Variants in PHF23 observed in about 807,000 individuals in gnomAD.
PHF23 encodes PHD finger protein 23.
Under a neutral mutation model 36.0 loss-of-function variants are expected in PHF23, and 3 were observed. The ratio of observed to expected loss-of-function variants is 0.08; its 90% confidence interval spans 0.04 to 0.22. The LOEUF (loss-of-function observed/expected upper bound fraction) is 0.22, where lower values mean the gene tolerates loss of function less well. PHF23 is among the 10% of genes least tolerant of loss of function. PHF23 has a pLI of 1.00. For missense variants in PHF23, 475 were observed against 513.6 expected, an observed-to-expected ratio of 0.92 and a Z score of 0.73; for synonymous variants, 242 against 192.5, an observed-to-expected ratio of 1.26 and a Z score of -2.13.
chr17:7,239,500 CCCT>C, upstream of PHF23: 2 of 469,142 alleles, frequency 4.3e-6, no homozygotes, highest in Non-Finnish European at 7.7e-6. Flanking sequence ...GCCGCCTGCT[CCCT>C]CCTCCTCCTC....
chr17:7,239,314 T>G lies in PHF23; in HGVS notation c.-35A>C. The G allele has an allele frequency of 9.3e-7, 1 of 1,073,476 alleles. No individual in the cohort carries two copies. The highest frequency in any genetic ancestry group is 1.3e-6 in the Non-Finnish European group (1 of 747,002). 66.5% of individuals were successfully genotyped at this position (1,073,476 alleles called of 1,614,324 possible). On this transcript the variant is annotated 5_prime_UTR_variant, in exon 1 of 5. Transcript: ENST00000320316. ...CCCTCCTCCCGGTCCGGCGCCCCCC[T>G]CCCCGGAGCCGGGGATCCCGGTGCC...
rs915475243 is a variant in PHF23, at chr17:7,236,627, C to T, written c.300G>A (p.Arg100=). 1 of 1,614,138 alleles carries T rather than the reference C, an allele frequency of 6.2e-7. No individual in the cohort carries two copies. The highest frequency in any genetic ancestry group is 1.3e-5 in the African/African-American group (1 of 75,018). Reference sequence around the variant, plus strand: ...GCTGGGTGGGACCTGCTTGAGCTGCCCTTCTCTTGGATGACTTTGCTTTCT... The same window carrying T: ...GCTGGGTGGGACCTGCTTGAGCTGCTCTTCTCTTGGATGACTTTGCTTTCT... ...FVKKAKSSKR[R]AAQAGPTQPG... The change falls in exon 4 of 5, where the codon AGG becomes AGA. Residue 100 remains arginine, a synonymous_variant. Transcript: ENST00000320316. The surrounding 1 kb of genome is among the most constrained non-coding windows in gnomAD (Gnocchi z 5.1).
chr17:7,238,296 C>CG (rs2071720478), intron 1 of PHF23: 1 of 112,158 alleles, frequency 8.9e-6, no homozygotes, highest in Non-Finnish European at 1.9e-5. Context: ...CCCCCCCCCC[C>CG]CCGCCCATAC....
In PHF23 at chr17:7,239,232, G is replaced by T; in HGVS notation, c.34+14C>A. On this transcript the variant is annotated intron_variant, in intron 1 of 4. Transcript: ENST00000320316. ...CCCCGCCGGCTCAGCGCTCTGCACC[G>T]GTCGAGAGCTCACCTTCGGGACTGG... The T allele has an allele frequency of 1.3e-6, 2 of 1,522,120 alleles. No homozygotes were observed. Among genetic ancestry groups the T allele is most frequent in the Non-Finnish European group, 1.8e-6 (2 of 1,114,258 alleles). The allele number at this position is 1,522,120 out of a possible 1,614,324, so 94.3% of individuals were successfully genotyped here. A position where few individuals can be genotyped will look rare whatever the true frequency, so the allele number is the denominator to read the frequency against.
rs982706623 is a variant in PHF23, at chr17:7,239,232, G to A, written c.34+14C>T. 3 of 1,522,122 alleles carry A rather than the reference G, an allele frequency of 2.0e-6. No homozygotes were observed. The highest frequency in any genetic ancestry group is 2.7e-6 in the Non-Finnish European group (3 of 1,114,260). 94.3% of individuals were successfully genotyped at this position (1,522,122 alleles called of 1,614,324 possible). Reference sequence around the variant, plus strand: ...CCCCGCCGGCTCAGCGCTCTGCACCGGTCGAGAGCTCACCTTCGGGACTGG... The same window carrying A: ...CCCCGCCGGCTCAGCGCTCTGCACCAGTCGAGAGCTCACCTTCGGGACTGG... On this transcript the variant is annotated intron_variant, in intron 1 of 4. Transcript: ENST00000320316.
upstream of PHF23, chr17:7,239,560 C>T (rs1442426405): frequency 5.7e-6 from 2 of 353,150 alleles, no homozygotes; most frequent in South Asian, 3.4e-5. Context: ...CCCTCCTCCC[C>T]CCGCCGGCGC....
chr17:7,239,512 T>C, upstream of PHF23: 2 of 368,234 alleles, frequency 5.4e-6, no homozygotes, highest in South Asian at 3.0e-5. Context: ...CTCCTCCTCC[T>C]CCTCCACCTC....
upstream of PHF23, chr17:7,239,530 C>T (rs2071750995): frequency 7.2e-6 from 3 of 418,680 alleles, no homozygotes; most frequent in East Asian, 8.9e-5. Flanking sequence ...CTCCTCTCTC[C>T]TCCCTCCCTC....
upstream of PHF23, chr17:7,239,544 T>G: frequency 3.3e-4 from 92 of 276,148 alleles, no homozygotes; most frequent in East Asian, 8.3e-4. Flanking sequence ...CTCCCTCCTC[T>G]TCTCTCCCTC....
In PHF23 at chr17:7,239,233, GT is replaced by G; in HGVS notation, c.34+12del. On this transcript the variant is annotated intron_variant, in intron 1 of 4. Transcript: ENST00000320316. Reference sequence around the variant, plus strand: ...CCCGCCGGCTCAGCGCTCTGCACCGGTCGAGAGCTCACCTTCGGGACTGGGC... The same window carrying G: ...CCCGCCGGCTCAGCGCTCTGCACCGGCGAGAGCTCACCTTCGGGACTGGGC... 6.5e-7 allele frequency: 1 copy of G among 1,527,252 alleles called. No homozygotes were observed. The highest frequency in any genetic ancestry group is 9.0e-7 in the Non-Finnish European group (1 of 1,116,972). 94.6% of individuals were successfully genotyped at this position (1,527,252 alleles called of 1,614,324 possible). A position where few individuals can be genotyped will look rare whatever the true frequency, so the allele number is the denominator to read the frequency against.
In PHF23 at chr17:7,235,358, T is replaced by G. The variant is rs534460634; in HGVS notation, c.*268A>C. 110 of 493,986 alleles carry G rather than the reference T, an allele frequency of 2.2e-4. No homozygotes were observed. The highest frequency in any genetic ancestry group is 3.3e-4 in the Non-Finnish European group (88 of 270,744). 30.6% of individuals were successfully genotyped at this position (493,986 alleles called of 1,614,324 possible). A position where few individuals can be genotyped will look rare whatever the true frequency, so the allele number is the denominator to read the frequency against. ...ATTCCAATCCTGACCCAGAAAGTGA[T>G]GGTGGCAGGTCCAAGAGACAGAGAT... On this transcript the variant is annotated 3_prime_UTR_variant, in exon 5 of 5. Transcript: ENST00000320316.
intron 2 of PHF23, 52 bp from the exon 3 acceptor site, chr17:7,237,529 G>A (rs777565395): frequency 6.2e-7 from 1 of 1,604,254 alleles, no homozygotes; most frequent in Admixed American, 1.7e-5. Context: ...TTTAAGAATG[G>A]CATTCCCAGA....
At chr17:7,238,111 C>T in intron 1 of PHF23, 1 of 188,726 alleles carries the variant, frequency 5.3e-6, no homozygotes, top group South Asian at 9.5e-5. Context: ...CGCCAGCCCC[C>T]AGGGTCCAGG....
Position 7,236,479 on chromosome 17 carries a change from A to G in PHF23, c.448T>C (p.Ser150Pro), listed in dbSNP as rs965472795. The G allele has an allele frequency of 3.1e-6, 5 of 1,613,662 alleles. No individual in the cohort carries two copies. In the African/African-American group the frequency reaches 6.7e-5, roughly 22 times the overall value. The stretch of plus-strand genomic sequence containing the variant: ...GAGGTATGTGTCAGGGATGTGGGGG[A>G]CAAAGGAGATGCCACTTTGGGCCCA... Reference protein sequence around the residue: ...LDGPKVASPLSPTSLTHTSRP... With the variant: ...LDGPKVASPLPPTSLTHTSRP... The change falls in exon 4 of 5, where the codon TCC (serine) becomes CCC (proline). Residue 150 changes from serine to proline, a missense_variant. By Grantham distance (74) the Ser-to-Pro change is moderately conservative. Coordinates refer to ENST00000320316, the MANE Select transcript of PHF23 (RefSeq NM_024297.3). The surrounding 1 kb of genome is among the most constrained non-coding windows in gnomAD (Gnocchi z 5.1).
chr17:7,240,587 G>A (rs1246226641), upstream of PHF23: 4 of 400,196 alleles, frequency 1.0e-5, no homozygotes, highest in Admixed American at 4.2e-5. Flanking sequence ...ATCACTGGAT[G>A]TGACACAGAC....
In PHF23 at chr17:7,236,595, G is replaced by T; in HGVS notation, c.332C>A (p.Pro111His). The change falls in exon 4 of 5, where the codon CCC (proline) becomes CAC (histidine). Residue 111 changes from proline to histidine, a missense_variant. By Grantham distance (77) the Pro-to-His change is moderately conservative. Transcript: ENST00000320316. The surrounding 1 kb of genome is among the most constrained non-coding windows in gnomAD (Gnocchi z 5.1). ...CAGACGAGAGAAAGTGGACCTTGGGGGTCCTGGCTGGGTGGGACCTGCTTG... is the reference window on the plus strand; with the variant it reads ...CAGACGAGAGAAAGTGGACCTTGGGTGTCCTGGCTGGGTGGGACCTGCTTG... ...AAQAGPTQPG[P>H]PRSTFSRLQA... 6.2e-7 allele frequency: 1 copy of T among 1,614,160 alleles called. No individual in the cohort carries two copies. The highest frequency in any genetic ancestry group is 8.5e-7 in the Non-Finnish European group (1 of 1,180,018).
chr17:7,237,753 C>A (rs1182696660), intron 1 of PHF23, 93 bp from the exon 2 acceptor site: 1 of 1,437,768 alleles, frequency 7.0e-7, no homozygotes, highest in East Asian at 2.3e-5. Flanking sequence ...GAACCCCCTG[C>A]TCTCCCAGGT....
At chr17:7,237,924 G>T in intron 1 of PHF23, 1 of 434,726 alleles carries the variant, frequency 2.3e-6, no homozygotes, top group Non-Finnish European at 3.9e-6. Context: ...CCCAACTCAC[G>T]GTCTCTCTCG....
Position 7,236,137 on chromosome 17 carries a change from T to C in PHF23, c.790A>G (p.Thr264Ala), listed in dbSNP as rs1377602423. The C allele has an allele frequency of 1.9e-6, 3 of 1,610,664 alleles. No individual in the cohort carries two copies. The highest frequency in any genetic ancestry group is 2.7e-5 in the African/African-American group (2 of 74,878). The change falls in exon 4 of 5, where the codon ACA becomes GCA. Residue 264 changes from threonine to alanine, a missense_variant. Physicochemically the swap from Thr to Ala is moderately conservative, Grantham distance 58 (BLOSUM62 0). Coordinates refer to ENST00000320316, the MANE Select transcript of PHF23 (RefSeq NM_024297.3). This position sits in a 1 kb window ranked among gnomAD's most constrained non-coding sequence, Gnocchi z 5.1. ...EEEEEEEEMA[T>A]VVGGEAPVPV... ...ACTGGGGCTTCACCCCCTACCACTG[T>C]TGCCATCTCTTCTTCTTCTTCCTCT...
Sources: allele counts gnomAD v4.1 joint callset, GRCh38; gene constraint gnomAD v4.1.1; non-coding constraint Gnocchi (gnomAD v3.1); transcripts MANE v1.5; gene names NCBI Gene and HGNC (gene_info 2026-07-23, HGNC 2026-07-21).